The following EIF2A variants were observed in gnomAD, a reference collection of about 807,000 sequenced individuals.
EIF2A encodes the protein 65 kDa eukaryotic translation initiation factor 2A.
Under a neutral mutation model 75.2 loss-of-function variants are expected in EIF2A, and 62 were observed. The observed-to-expected ratio is 0.82, with a 90% CI of 0.67 to 1.02. EIF2A has a LOEUF of 1.02. Ranked by LOEUF, EIF2A falls within the 50% of genes least tolerant of loss-of-function variation. EIF2A has a pLI of 0.00. For missense variants in EIF2A, 611 were observed against 677.7 expected (o/e 0.90, Z 1.09); for synonymous variants, 207 against 239.0 (o/e 0.87, Z 1.23).
intron 12 of EIF2A, 58 bp downstream of exon 12, chr3:150,581,804 TAAGA>T: frequency 6.5e-7 from 1 of 1,540,952 alleles, no homozygotes; most frequent in Non-Finnish European, 8.8e-7. Context: ...ATTATATAAG[TAAGA>T]GAGTACTTAG....
chr3:150,560,716 C>CTTTTTTT (rs71138455), intron 3 of EIF2A, among the ~76,000 whole-genome samples: 7 of 120,682 alleles, frequency 5.8e-5, no homozygotes, highest in Non-Finnish European at 8.6e-5. Context: ...GATGGAGAGT[C>CTTTTTTT]TTTTTTTTTT....
chr3:150,565,046 C>G (rs1724092981), intron 6 of EIF2A: 1 of 357,084 alleles, frequency 2.8e-6, no homozygotes, highest in Non-Finnish European at 5.5e-6. Context: ...CTATAAGTTC[C>G]CACTCTATCT....
chr3:150,559,497 C>CTTT (rs1723736898), intron 3 of EIF2A, among the ~76,000 whole-genome samples: 2 of 89,086 alleles, frequency 2.2e-5, no homozygotes, highest in African/African-American at 6.9e-5. Context: ...TATGCCCAGC[C>CTTT]CTTTTTTTTT....
intron 10 of EIF2A, among the ~76,000 whole-genome samples, chr3:150,573,548 G>A (rs1228557904): frequency 6.6e-6 from 1 of 152,088 alleles, no homozygotes; most frequent in Non-Finnish European, 1.5e-5. Context: ...CACTGTACCC[G>A]GCCAGGATTT....
chr3:150,556,255 T>G (rs1349369017), intron 2 of EIF2A, among the ~76,000 whole-genome samples: 1 of 152,174 alleles, frequency 6.6e-6, no homozygotes, highest in African/African-American at 2.4e-5. Flanking sequence ...AACAGAGAGA[T>G]ATTTATGTGT....
At chr3:150,557,786 A>G in intron 2 of EIF2A, 2 of 273,970 alleles carry the variant, frequency 7.3e-6, no homozygotes, top group Non-Finnish European at 1.5e-5. Context: ...TGTCATCTTC[A>G]TTTGTGCAGA....
intron 2 of EIF2A, chr3:150,552,857 A>G (rs2107903737): frequency 6.5e-6 from 1 of 153,018 alleles, no homozygotes; most frequent in South Asian, 2.1e-4. Flanking sequence ...TTTTTTCCCC[A>G]AAGAAACAAT....
At chr3:150,561,337 G>A (rs1576592805) in intron 3 of EIF2A, among the ~76,000 whole-genome samples, 2 of 152,168 alleles carry the variant, frequency 1.3e-5, no homozygotes. Context: ...CAGCACTTTG[G>A]AAGGCCAGGG....
At chr3:150,578,804 A>G (rs1426075160) in intron 11 of EIF2A, among the ~76,000 whole-genome samples, 1 of 152,234 alleles carries the variant, frequency 6.6e-6, no homozygotes, top group East Asian at 1.9e-4. Flanking sequence ...CCTTGACAGA[A>G]TCTCACCTTA....
chr3:150,549,473 C>G (rs772121566), intron 1 of EIF2A, among the ~76,000 whole-genome samples: 1 of 152,172 alleles, frequency 6.6e-6, no homozygotes, highest in Non-Finnish European at 1.5e-5. Context: ...ACGCCTCTGC[C>G]TCCCAAAGTG....
At chr3:150,558,796 C>T (rs1485307427) in intron 3 of EIF2A, 1 of 159,266 alleles carries the variant, frequency 6.3e-6, no homozygotes, top group Non-Finnish European at 1.4e-5. Context: ...ATTCTCTTTA[C>T]TCATTTAATC....
chr3:150,568,101 A>G (rs929073991), intron 8 of EIF2A, 55 bp downstream of exon 8: 25 of 1,599,254 alleles, frequency 1.6e-5, no homozygotes, highest in African/African-American at 4.0e-5. Flanking sequence ...AATTTAGGCT[A>G]TATTCCTATG....
chr3:150,555,779 A>G (rs1723533749), intron 2 of EIF2A, among the ~76,000 whole-genome samples: 2 of 152,130 alleles, frequency 1.3e-5, no homozygotes, highest in Admixed American at 1.3e-4. Flanking sequence ...GCTACACTTC[A>G]TTAGGGTATG....
chr3:150,583,851 G>A lies in EIF2A; in HGVS notation c.1698G>A (p.Glu566=), dbSNP rs755945686. 1.5e-5 allele frequency: 24 copies of A among 1,613,270 alleles called. No homozygotes were observed. The highest frequency in any genetic ancestry group is 2.0e-5 in the Non-Finnish European group (24 of 1,179,558). Residue 566 remains glutamate (E), a synonymous_variant, in exon 14 of 14, where the codon GAG becomes GAA. Coordinates refer to ENST00000460851, the MANE Select transcript of EIF2A (RefSeq NM_032025.5). ...ATTGTTTCAAACTTTTCTAGTTGGA[G>A]AAAATTCAGAAAGAAACAGCCCTTC... ...TGKQLEKNQL[E]KIQKETALLQ...
chr3:150,560,626 C>T (rs1264337408), intron 3 of EIF2A, among the ~76,000 whole-genome samples: 1 of 151,702 alleles, frequency 6.6e-6, no homozygotes, highest in Non-Finnish European at 1.5e-5. Context: ...TCATTCTTTT[C>T]AGTGACTGCT....
chr3:150,575,777 A>G lies in EIF2A; in HGVS notation c.1497+15A>G, dbSNP rs753126336. 6.3e-7 allele frequency: 1 copy of G among 1,595,952 alleles called. No homozygotes were observed. Among genetic ancestry groups the G allele is most frequent in the Non-Finnish European group, 8.5e-7 (1 of 1,170,768 alleles). Reference sequence around the variant, plus strand: ...CTGCAAAGCAGGTATTTGGGGCACTAATCTCATAACAAAACAAATAGTCAG... The same window carrying G: ...CTGCAAAGCAGGTATTTGGGGCACTGATCTCATAACAAAACAAATAGTCAG... On this transcript the variant is annotated intron_variant, in intron 11 of 13. Transcript: ENST00000460851.
At chr3:150,575,139 T>C (rs1482669088) in intron 10 of EIF2A, among the ~76,000 whole-genome samples, 1 of 152,260 alleles carries the variant, frequency 6.6e-6, no homozygotes, top group Non-Finnish European at 1.5e-5. Context: ...TGTAATTATC[T>C]AGTTAATTAC....
At chr3:150,565,788 C>CTTTTTTTTTTTT (rs35195705) in intron 6 of EIF2A, 1 of 69,476 alleles carries the variant, frequency 1.4e-5, no homozygotes, top group Non-Finnish European at 2.6e-5. Flanking sequence ...TAGTTCCATT[C>CTTTTTTTTTTTT]TTTTTTTTTT....
chr3:150,568,598 A>T (rs1724327020), intron 9 of EIF2A, among the ~76,000 whole-genome samples: 1 of 152,154 alleles, frequency 6.6e-6, no homozygotes, highest in Non-Finnish European at 1.5e-5. Flanking sequence ...AAATTGCTTA[A>T]TACTGTCTTT....
Sources: allele counts gnomAD v4.1 joint callset (sites outside exome capture counted in the v4.1 genomes callset), GRCh38; gene constraint gnomAD v4.1.1; transcripts MANE v1.5; gene names NCBI Gene and HGNC (gene_info 2026-07-23, HGNC 2026-07-21).